Variants in BGN observed in about 807,000 individuals in gnomAD.
BGN encodes biglycan, also known as bone/cartilage proteoglycan-I.
In BGN, 6 loss-of-function variants were observed where a neutral mutation model predicts 20.0. The ratio of observed to expected loss-of-function variants is 0.30; its 90% CI spans 0.16 to 0.59. The LOEUF is 0.59. BGN is among the 20% of genes least tolerant of loss of function. The probability of loss-of-function intolerance (pLI) is 0.88; values close to 1 mark genes in which losing one functional copy is unlikely to be tolerated. For missense variants in BGN, 292 were observed against 312.1 expected, an observed-to-expected ratio of 0.94 and a Z score of 0.49; for synonymous variants, 146 against 134.6, an observed-to-expected ratio of 1.08 and a Z score of -0.59.
At chrX:153,496,162 TC>T (rs2089712461) in intron 1 of BGN, among the ~76,000 whole-genome samples, 1 of 112,386 alleles carries the variant, frequency 8.9e-6, no homozygotes, top group Admixed American at 9.3e-5. Context: ...TCTCCTGCTG[TC>T]CTGGCTGCCA....
At chrX:153,508,153 T>C in intron 7 of BGN, 95 bp from the exon 8 acceptor site, 1 of 951,132 alleles carries the variant, frequency 1.1e-6, no homozygotes, top group Non-Finnish European at 1.5e-6. Flanking sequence ...GCCCTTGAAG[T>C]AGGGTGCAGA....
At chrX:153,498,995 T>C (rs1408503497) in intron 1 of BGN, among the ~76,000 whole-genome samples, 1 of 111,384 alleles carries the variant, frequency 9.0e-6, no homozygotes, top group East Asian at 2.8e-4. Flanking sequence ...GGTCCAGACA[T>C]GGGGGCAAGG....
At chrX:153,503,733 C>G (rs1455055596) in intron 1 of BGN, among the ~76,000 whole-genome samples, 1 of 112,598 alleles carries the variant, frequency 8.9e-6, no homozygotes, top group Non-Finnish European at 1.9e-5. Context: ...GGGCCTCAGG[C>G]AAGCCTGACC....
rs181456114 is a variant in BGN, at chrX:153,504,606, C to G, written c.-11-15C>G. 1,032 of 1,151,918 alleles carry G rather than the reference C, an allele frequency of 9.0e-4. 12 individuals carry two copies. The East Asian group carries it at 0.028, about 32-fold the overall frequency. 94.9% of individuals were successfully genotyped at this position (1,151,918 alleles called of 1,213,427 possible). On this transcript the variant is annotated splice_polypyrimidine_tract_variant and intron_variant, in intron 1 of 7. Transcript: ENST00000331595. Reference sequence around the variant, plus strand: ...TGGGTGCTGGTGCTGATGATCCCCTCGCCTCTTCCCCCAGGTCCATCCGCC... The same window carrying G: ...TGGGTGCTGGTGCTGATGATCCCCTGGCCTCTTCCCCCAGGTCCATCCGCC...
chrX:153,505,507 G>A (rs782304886), intron 3 of BGN, 157 bp downstream of exon 3: 6 of 485,482 alleles, frequency 1.2e-5, no homozygotes, highest in South Asian at 6.8e-5. Context: ...CCGGGTTTGC[G>A]GCTCACTCAT....
At chrX:153,505,583 C>T (rs1556992906) in intron 3 of BGN, among the ~76,000 whole-genome samples, 1 of 112,056 alleles carries the variant, frequency 8.9e-6, no homozygotes, top group Non-Finnish European at 1.9e-5. Context: ...TGGCTGAAAA[C>T]GTTTCATCAC....
intron 5 of BGN, 44 bp from the exon 6 acceptor site, chrX:153,506,786 C>T (rs1556993266): frequency 1.7e-6 from 2 of 1,178,301 alleles, no homozygotes; most frequent in South Asian, 1.8e-5. Flanking sequence ...AGGGCCCCTG[C>T]CCTCAGCACC....
In BGN at chrX:153,506,869, A is replaced by G; in HGVS notation, c.716A>G (p.Asn239Ser). 1.7e-6 allele frequency: 2 copies of G among 1,211,338 alleles called. No homozygotes were observed. The highest frequency in any genetic ancestry group is 2.2e-6 in the Non-Finnish European group (2 of 895,300). Residue 239 changes from asparagine to serine, a missense_variant, in exon 6 of 8, where the codon AAC becomes AGC. By Grantham distance (46) the Asn-to-Ser change is conservative. Coordinates refer to ENST00000331595, the MANE Select transcript of BGN (RefSeq NM_001711.6). ...CTGAATGAACTCCACCTAGACCACAACAAAATCCAGGCCATCGAACTGGAG... is the reference window on the plus strand; with the variant it reads ...CTGAATGAACTCCACCTAGACCACAGCAAAATCCAGGCCATCGAACTGGAG... Reference protein sequence around the residue: ...ETLNELHLDHNKIQAIELEDL... With the variant: ...ETLNELHLDHSKIQAIELEDL...
At chrX:153,495,681 TGAAA>T (rs1556990608) in intron 1 of BGN, among the ~76,000 whole-genome samples, 2 of 111,790 alleles carry the variant, frequency 1.8e-5, no homozygotes, top group Non-Finnish European at 3.8e-5. Flanking sequence ...TGGCATGGGC[TGAAA>T]GACTTAGTTT....
In BGN at chrX:153,500,768, TGC is replaced by T. The variant is rs201694348; in HGVS notation, c.-11-3851_-11-3850del. ...GTACGTGTGTATAAATGTGTATGTG[TGC>T]GTGTGTGTGCATGTGTGTGCATGTG... On this transcript the variant is annotated intron_variant, in intron 1 of 7. Transcript: ENST00000331595. Among the ~76,000 whole-genome samples the T allele has an allele frequency of 5.3e-3, 583 of 110,691 alleles. 4 individuals are homozygous for T. Among genetic ancestry groups the T allele is most frequent in the East Asian group, 0.042 (144 of 3,463 alleles).
intron 1 of BGN, among the ~76,000 whole-genome samples, chrX:153,498,991 G>T (rs1556991305): frequency 8.9e-6 from 1 of 112,066 alleles, no homozygotes; most frequent in Non-Finnish European, 1.9e-5. Context: ...GGTGGGTCCA[G>T]ACATGGGGGC....
intron 7 of BGN, among the ~76,000 whole-genome samples, chrX:153,507,413 G>A (rs1208347560): frequency 8.9e-6 from 1 of 112,821 alleles, no homozygotes. Flanking sequence ...AGGGTCTCCA[G>A]GTGGGTCGGA....
chrX:153,498,648 C>G (rs1805798894), intron 1 of BGN, among the ~76,000 whole-genome samples: 1 of 112,486 alleles, frequency 8.9e-6, no homozygotes, highest in African/African-American at 3.2e-5. Context: ...CCCTCCTGGC[C>G]TTGGTGGGCC....
At chrX:153,504,491 C>T (rs892003781) in intron 1 of BGN, 130 bp from the exon 2 acceptor site, 4 of 552,274 alleles carry the variant, frequency 7.2e-6, no homozygotes, top group Non-Finnish European at 8.5e-6. Flanking sequence ...CTCCGCCTCC[C>T]GCTCCAGGGT....
At position 153,502,246 on chromosome X, in the gene BGN, C is replaced by A. The variant is rs950421965; in HGVS notation, c.-11-2375C>A. On this transcript the variant is annotated intron_variant, in intron 1 of 7. Transcript: ENST00000331595. ...GCCTCCCGTAGGCCCAGCCGGACCA[C>A]CCCAACCCTACCTGTCCAGGTGGAC... Among the ~76,000 whole-genome samples the A allele has an allele frequency of 2.7e-5, 3 of 112,568 alleles. No homozygotes were observed. In the East Asian group the frequency reaches 8.5e-4, roughly 32 times the overall value.
chrX:153,503,762 G>A (rs1556992379), intron 1 of BGN, among the ~76,000 whole-genome samples: 2 of 112,114 alleles, frequency 1.8e-5, no homozygotes, highest in South Asian at 3.7e-4. Flanking sequence ...CCACCCTGGC[G>A]GCAGCCTGCT....
In BGN at chrX:153,507,155, C is replaced by T. The variant is rs782274049; in HGVS notation, c.879C>T (p.Pro293=). The change falls in exon 7 of 8, where the codon CCC becomes CCT. Residue 293 remains proline (P), a synonymous_variant. Transcript: ENST00000331595. The part of the protein sequence containing the change: ...HLDNNKLARV[P]SGLPDLKLLQ... ...ACAACAACAAGTTGGCCAGGGTGCC[C>T]TCAGGGCTCCCAGACCTCAAGCTCC... The T allele has an allele frequency of 5.8e-6, 7 of 1,204,060 alleles. No homozygotes were observed. The Admixed American group carries it at 1.5e-4, about 27-fold the overall frequency.
chrX:153,497,470 C>T (rs1167897164), intron 1 of BGN, among the ~76,000 whole-genome samples: 2 of 111,470 alleles, frequency 1.8e-5, no homozygotes, highest in East Asian at 2.8e-4. Flanking sequence ...CTCCTGTCCT[C>T]TTCTGCTCAG....
chrX:153,505,496 C>T, intron 3 of BGN, 146 bp downstream of exon 3: 2 of 514,010 alleles, frequency 3.9e-6, no homozygotes, highest in Middle Eastern at 5.6e-4. Context: ...GATGGGAGCT[C>T]CCGGGTTTGC....
Sources: allele counts gnomAD v4.1 joint callset (sites outside exome capture counted in the v4.1 genomes callset), GRCh38; gene constraint gnomAD v4.1.1; transcripts MANE v1.5; gene names NCBI Gene and HGNC (gene_info 2026-07-23, HGNC 2026-07-21).